The following ABCB5 variants were observed in gnomAD, a reference collection of about 807,000 sequenced individuals.
ABCB5 encodes the protein ATP binding cassette subfamily B member 5.
Under a neutral mutation model 144.2 loss-of-function variants are expected in ABCB5, and 155 were observed. That is an observed-to-expected ratio of 1.08 (90% CI 0.94 to 1.23). ABCB5 has a LOEUF of 1.23. Among genes scored for constraint, ABCB5 ranks in the 50% most tolerant of loss-of-function variants. The pLI is 0.00. For missense variants in ABCB5, 1,830 were observed against 1,520.8 expected, an observed-to-expected ratio of 1.20 and a Z score of -3.38; for synonymous variants, 610 against 528.6, an observed-to-expected ratio of 1.15 and a Z score of -2.11.
At chr7:20,638,830 C>A (rs925725489) in intron 5 of ABCB5, among the ~76,000 whole-genome samples, 3 of 152,144 alleles carry the variant, frequency 2.0e-5, no homozygotes, top group Non-Finnish European at 4.4e-5. Context: ...CACTGATGTA[C>A]ACTTCTTTGT....
intron 14 of ABCB5, chr7:20,658,965 G>C: frequency 7.5e-7 from 1 of 1,333,346 alleles, no homozygotes; most frequent in Non-Finnish European, 1.1e-6. Context: ...CACCTCCCTA[G>C]AGTGGCCCAC....
At chr7:20,755,311 T>A in intron 27 of ABCB5, 116 bp from the exon 28 acceptor site, 1 of 837,458 alleles carries the variant, frequency 1.2e-6, no homozygotes, top group South Asian at 1.8e-5. Context: ...GGCAGTTCCT[T>A]TGGGGACAAG....
chr7:20,723,070 T>G lies in ABCB5; in HGVS notation c.2476T>G (p.Ser826Ala). The stretch of plus-strand genomic sequence containing the variant: ...ACAAAATGCAACTAACATGGGACTT[T>G]CAGTTATCATTTCCTTTATATATGG... Reference protein sequence around the residue: ...LTQNATNMGLSVIISFIYGWE... With the variant: ...LTQNATNMGLAVIISFIYGWE... Residue 826 changes from serine (S) to alanine (A), a missense_variant, in exon 21 of 28, where the codon TCA (serine) becomes GCA (alanine). Physicochemically the swap from Ser to Ala is moderately conservative, Grantham distance 99. Coordinates refer to ENST00000404938, the MANE Select transcript of ABCB5 (RefSeq NM_001163941.2). The G allele has an allele frequency of 1.2e-6, 2 of 1,614,166 alleles. No individual in the cohort carries two copies. Among genetic ancestry groups the G allele is most frequent in the Non-Finnish European group, 1.7e-6 (2 of 1,180,018 alleles).
In ABCB5 at chr7:20,723,016, G is replaced by A; in HGVS notation, c.2422G>A (p.Ala808Thr). Residue 808 changes from alanine (A) to threonine (T), a missense_variant and splice_region_variant, in exon 21 of 28, where the codon GCA (alanine) becomes ACA (threonine). By Grantham distance (58) the Ala-to-Thr change is moderately conservative. Coordinates refer to ENST00000404938, the MANE Select transcript of ABCB5 (RefSeq NM_001163941.2). ...TCCCCCAAAATATGTCTGATTATAG[G>A]CAACAGGTTCCAGGATTGGCGTCTT... Reference protein sequence around the residue: ...LAIDIAQIQGATGSRIGVLTQ... With the variant: ...LAIDIAQIQGTTGSRIGVLTQ... The A allele has an allele frequency of 6.2e-7, 1 of 1,613,848 alleles. No homozygotes were observed. The highest frequency in any genetic ancestry group is 8.5e-7 in the Non-Finnish European group (1 of 1,179,926).
chr7:20,688,909 T>A (rs986297411), intron 16 of ABCB5, among the ~76,000 whole-genome samples: 4 of 151,746 alleles, frequency 2.6e-5, no homozygotes, highest in Non-Finnish European at 4.4e-5. Context: ...TAGGTGGGAA[T>A]TGAACAACGA....
chr7:20,647,684 T>C (rs1023159591), intron 10 of ABCB5, 36 bp downstream of exon 10: 69 of 1,540,352 alleles, frequency 4.5e-5, no homozygotes, highest in Non-Finnish European at 5.8e-5. Context: ...ATAACTATCA[T>C]TACTGCAAGA....
At chr7:20,693,198 A>G (rs1786291562) in intron 16 of ABCB5, among the ~76,000 whole-genome samples, 1 of 151,986 alleles carries the variant, frequency 6.6e-6, no homozygotes, top group Non-Finnish European at 1.5e-5. Flanking sequence ...CCCTGTTTCT[A>G]CAAAAAAAAA....
chr7:20,627,643 T>G (rs930231778), intron 3 of ABCB5, among the ~76,000 whole-genome samples: 1 of 151,608 alleles, frequency 6.6e-6, no homozygotes, highest in Non-Finnish European at 1.5e-5. Flanking sequence ...CATTTCTTTC[T>G]TATTCAAAAC....
At chr7:20,695,088 G>T (rs1358669792) in intron 16 of ABCB5, among the ~76,000 whole-genome samples, 1 of 151,854 alleles carries the variant, frequency 6.6e-6, no homozygotes, top group East Asian at 1.9e-4. Context: ...TTTTTAAAAA[G>T]AGCAAAGTTG....
intron 14 of ABCB5, among the ~76,000 whole-genome samples, chr7:20,672,698 T>C: frequency 6.6e-6 from 1 of 152,346 alleles, no homozygotes; most frequent in Non-Finnish European, 1.5e-5. Flanking sequence ...ATATGTGATA[T>C]AAGGTACAGT....
chr7:20,698,465 CT>C lies in ABCB5; in HGVS notation c.2073del (p.Phe691LeufsTer11). Reference sequence around the variant, plus strand: ...TTAAAGTTAAACAAGCCTGAATGGCCTTTTGTGGTTCTGGGGACATTGGCTT... The same window carrying C: ...TTAAAGTTAAACAAGCCTGAATGGCCTTTGTGGTTCTGGGGACATTGGCTT... Reference protein sequence around the residue: ...KILKLNKPEWPFVVLGTLASV... With the variant: ...KILKLNKPEWXFVVLGTLASV... On this transcript the variant is annotated frameshift_variant, in exon 17 of 28. Transcript: ENST00000404938. LOFTEE classifies it high-confidence loss of function. 6.3e-7 allele frequency: 1 copy of C among 1,598,422 alleles called. No individual in the cohort carries two copies. Among genetic ancestry groups the C allele is most frequent in the South Asian group, 1.1e-5 (1 of 87,214 alleles).
intron 5 of ABCB5, among the ~76,000 whole-genome samples, chr7:20,637,111 T>C (rs1002132742): frequency 1.3e-5 from 2 of 152,222 alleles, no homozygotes; most frequent in African/African-American, 2.4e-5. Context: ...GTGGAACTAA[T>C]ATTTTAATGA....
chr7:20,680,995 TTTCTTTCTTTCTTTCTTTCTTTCTTTC>T (rs1480866882), intron 14 of ABCB5, among the ~76,000 whole-genome samples: 1 of 17,982 alleles, frequency 5.6e-5, no homozygotes, highest in African/African-American at 2.0e-4. Context: ...TCTTTCTTTC[TTTCTTTCTTTCTTTCTTTCTTTCTTTC>T]TTTCTTTCTT....
At chr7:20,736,984 T>C (rs1298376019) in intron 23 of ABCB5, among the ~76,000 whole-genome samples, 15 of 152,008 alleles carry the variant, frequency 9.9e-5, no homozygotes, top group Non-Finnish European at 1.5e-5. Flanking sequence ...GGTCAGCAGT[T>C]CGAGACCAGC....
chr7:20,681,042 T>C (rs905914587), intron 14 of ABCB5, among the ~76,000 whole-genome samples: 1,208 of 7,146 alleles, frequency 0.17, 78 homozygotes, highest in African/African-American at 0.37. Context: ...TTCTCTTTCT[T>C]TCTTTCTCTC....
At chr7:20,684,184 A>G (rs959332762) in intron 15 of ABCB5, among the ~76,000 whole-genome samples, 1 of 152,204 alleles carries the variant, frequency 6.6e-6, no homozygotes, top group African/African-American at 2.4e-5. Context: ...AGTTCAAACT[A>G]TGGAGACTAA....
chr7:20,711,776 T>TTCTCTC (rs537885442), intron 20 of ABCB5, among the ~76,000 whole-genome samples: 12,200 of 40,670 alleles, frequency 0.3, 3,212 homozygotes, highest in East Asian at 0.64. Context: ...CTTTCCTTCT[T>TTCTCTC]TCTCTTTCTT....
chr7:20,715,726 C>CT (rs374393822), intron 20 of ABCB5, among the ~76,000 whole-genome samples: 17,273 of 138,670 alleles, frequency 0.12, 1,775 homozygotes, highest in African/African-American at 0.28. Flanking sequence ...GAGCTATAAT[C>CT]TTTTTTTTTT....
chr7:20,733,511 TTAACA>T (rs1782287448), intron 23 of ABCB5, among the ~76,000 whole-genome samples: 1 of 152,120 alleles, frequency 6.6e-6, no homozygotes, highest in African/African-American at 2.4e-5. Context: ...TGAAGGACTG[TTAACA>T]TAAGAGTAAC....
Sources: gnomAD v4.1 joint callset for allele counts (sites outside exome capture counted in the v4.1 genomes callset) on GRCh38, gnomAD v4.1.1 for gene constraint, MANE v1.5 for transcripts, NCBI Gene and HGNC (gene_info 2026-07-23, HGNC 2026-07-21) for gene names.